Variants in DNAJC10 observed in about 807,000 individuals in gnomAD.
DNAJC10 encodes DnaJ heat shock protein family (Hsp40) member C10, also known as endoplasmic reticulum disulfide reductase DNAJC10.
Under a neutral mutation model 115.0 loss-of-function variants are expected in DNAJC10, and 101 were observed. The ratio of observed to expected loss-of-function variants is 0.88; its 90% CI spans 0.75 to 1.04. DNAJC10 has a LOEUF of 1.04. Among genes scored for constraint, DNAJC10 ranks in the 50% least tolerant of loss-of-function variants. The pLI is 0.00. For synonymous variants in DNAJC10, 307 were observed against 301.5 expected (o/e 1.02, Z -0.19); for missense variants, 981 against 928.8 (o/e 1.06, Z -0.73).
intron 16 of DNAJC10, among the ~76,000 whole-genome samples, 161 bp downstream of exon 16, chr2:182,752,349 A>G (rs1355661733): frequency 6.6e-6 from 1 of 152,216 alleles, no homozygotes; most frequent in Non-Finnish European, 1.5e-5. Flanking sequence ...AAGTGGTATC[A>G]AATATGATTG....
rs1483949137 is a variant in DNAJC10, at chr2:182,778,233, TATA to T, written c.*1104_*1106del. The T allele has an allele frequency of 3.3e-5, 5 of 152,202 alleles. No individual in the cohort carries two copies. The highest frequency in any genetic ancestry group is 1.9e-4 in the East Asian group (1 of 5,204). The allele number at this position is 152,202 out of a possible 1,614,324, so 9.4% of individuals were successfully genotyped here. ...CTTTACAGGTTGTTTTACTGTAGCT[TATA>T]ATGATACTGTAGTTATTCCAGTTAC... On this transcript the variant is annotated 3_prime_UTR_variant, in exon 24 of 24. Coordinates refer to ENST00000264065, the MANE Select transcript of DNAJC10 (RefSeq NM_018981.4).
intron 14 of DNAJC10, among the ~76,000 whole-genome samples, chr2:182,745,713 G>GTT: frequency 6.7e-6 from 1 of 148,156 alleles, no homozygotes; most frequent in African/African-American, 2.5e-5. Flanking sequence ...TTATGGACAA[G>GTT]TTTTTTTTTT....
chr2:182,725,197 C>G (rs951005930), intron 5 of DNAJC10, among the ~76,000 whole-genome samples: 28 of 152,110 alleles, frequency 1.8e-4, no homozygotes, highest in African/African-American at 6.5e-4. Context: ...TGTGTCTATT[C>G]TGACTGCTCC....
In DNAJC10 at chr2:182,751,904, C is replaced by T. The variant is rs937887558; in HGVS notation, c.1434+119C>T. 9.8e-6 allele frequency: 13 copies of T among 1,322,766 alleles called. No individual in the cohort carries two copies. In the African/African-American group the frequency reaches 1.9e-4, roughly 19 times the overall value. 81.9% of individuals were successfully genotyped at this position (1,322,766 alleles called of 1,614,324 possible). ...CAAAAACTGTGTCATTCCATTATGG[C>T]CACTAATGCATATTGCTTTTAAATG... is the stretch of plus-strand genomic sequence containing the variant. On this transcript the variant is annotated intron_variant, in intron 15 of 23. Coordinates refer to ENST00000264065, the MANE Select transcript of DNAJC10 (RefSeq NM_018981.4).
At chr2:182,769,168 T>A (rs528451092) in intron 22 of DNAJC10, among the ~76,000 whole-genome samples, 2 of 152,214 alleles carry the variant, frequency 1.3e-5, no homozygotes, top group African/African-American at 4.8e-5. Flanking sequence ...TCCTTTTTTA[T>A]GGCTGCATAG....
chr2:182,722,936 C>CA (rs1369065017), intron 5 of DNAJC10, among the ~76,000 whole-genome samples: 2 of 150,792 alleles, frequency 1.3e-5, no homozygotes, highest in African/African-American at 2.4e-5. Context: ...GTACCAGTCG[C>CA]AAAAAATACA....
rs753827278 is a variant in DNAJC10 at position 182,728,984 on chromosome 2, G to A, written c.623G>A (p.Arg208Gln). 26 of 1,613,720 alleles carry A rather than the reference G, an allele frequency of 1.6e-5. No individual in the cohort carries two copies. Among genetic ancestry groups the A allele is most frequent in the Middle Eastern group, 1.6e-4 (1 of 6,080 alleles). The change falls in exon 7 of 24, where the codon CGG becomes CAG. Residue 208 changes from arginine (R) to glutamine (Q), a missense_variant. Arg to Gln is a conservative substitution (Grantham distance 43, BLOSUM62 1). Coordinates refer to ENST00000264065, the MANE Select transcript of DNAJC10 (RefSeq NM_018981.4). ...AGCTATCCCAGCCTCTTCATTTTTC[G>A]GTCTGGAATGGTAAGGGATAAAGTT... The part of the protein sequence containing the change: ...VNSYPSLFIF[R>Q]SGMAPVKYHG...
At chr2:182,763,876 T>TA (rs1157221037) in intron 22 of DNAJC10, among the ~76,000 whole-genome samples, 2 of 151,806 alleles carry the variant, frequency 1.3e-5, no homozygotes, top group African/African-American at 2.4e-5. Flanking sequence ...AGCAAACAGA[T>TA]AAAAAAAAGA....
At chr2:182,770,242 G>A (rs1443497134) in intron 22 of DNAJC10, among the ~76,000 whole-genome samples, 1 of 152,168 alleles carries the variant, frequency 6.6e-6, no homozygotes, top group Non-Finnish European at 1.5e-5. Context: ...TTGAAGAAAG[G>A]TACTGTGATG....
rs746460826 is a variant in DNAJC10 at position 182,790,275 on chromosome 2, T to A, written c.*13143T>A. ...GCAGAAGAAATTTATTTTATACTTA[T>A]AAACTTCAAGATTTGCTGAAGTACT... On this transcript the variant is annotated 3_prime_UTR_variant, in exon 24 of 24. Transcript: ENST00000264065. 6 of 152,234 alleles carry A rather than the reference T, an allele frequency of 3.9e-5. No homozygotes were observed. The highest frequency in any genetic ancestry group is 8.8e-5 in the Non-Finnish European group (6 of 68,042). The allele number at this position is 152,234 out of a possible 1,614,324, so 9.4% of individuals were successfully genotyped here.
At chr2:182,743,549 A>C in intron 13 of DNAJC10, 49 bp from the exon 14 acceptor site, 1 of 1,348,974 alleles carries the variant, frequency 7.4e-7, no homozygotes, top group South Asian at 1.2e-5. Flanking sequence ...TTTACAAATC[A>C]AATGGGTAAG....
intron 22 of DNAJC10, among the ~76,000 whole-genome samples, chr2:182,771,493 C>A (rs1311604617): frequency 6.6e-6 from 1 of 152,120 alleles, no homozygotes; most frequent in East Asian, 1.9e-4. Flanking sequence ...TAATTATTGC[C>A]TCAATTTCAG....
At chr2:182,733,823 A>AGATAGATAGATT (rs1693515200) in intron 10 of DNAJC10, among the ~76,000 whole-genome samples, 1 of 149,850 alleles carries the variant, frequency 6.7e-6, no homozygotes. Flanking sequence ...ATAGATAGAT[A>AGATAGATAGATT]GATAGATTTT....
intron 4 of DNAJC10, among the ~76,000 whole-genome samples, chr2:182,720,384 T>G (rs1345631746): frequency 6.6e-6 from 1 of 152,190 alleles, no homozygotes; most frequent in African/African-American, 2.4e-5. Flanking sequence ...TGTTAAATAC[T>G]TTTAAAATAA....
rs1490386950 is a variant in DNAJC10 at position 182,791,883 on chromosome 2, T to C, written c.*14751T>C. 1 of 152,224 alleles carries C rather than the reference T, an allele frequency of 6.6e-6. No individual in the cohort carries two copies. Among genetic ancestry groups the C allele is most frequent in the African/African-American group, 2.4e-5 (1 of 41,474 alleles). The allele number at this position is 152,224 out of a possible 1,614,324, so 9.4% of individuals were successfully genotyped here. ...TTGCATCTTACATTTCAACAATGGA[T>C]GTTTAAAGCGTTTAAAAGTTATGTT... On this transcript the variant is annotated 3_prime_UTR_variant, in exon 24 of 24. Transcript: ENST00000264065.
At chr2:182,728,461 A>G (rs935934754) in intron 5 of DNAJC10, 115 bp from the exon 6 acceptor site, 5 of 610,202 alleles carry the variant, frequency 8.2e-6, no homozygotes, top group African/African-American at 5.7e-5. Context: ...GAGAAAGACA[A>G]TATGAAAATT....
rs769542885 is a variant in DNAJC10, at chr2:182,718,138, A to C, written c.52A>C (p.Ile18Leu). 1.3e-4 allele frequency: 202 copies of C among 1,613,056 alleles called. No individual in the cohort carries two copies. Among genetic ancestry groups the C allele is most frequent in the Non-Finnish European group, 1.5e-4 (181 of 1,179,666 alleles). The change falls in exon 3 of 24, where the codon ATT (isoleucine) becomes CTT (leucine). Residue 18 changes from isoleucine to leucine, a missense_variant. Coordinates refer to ENST00000264065, the MANE Select transcript of DNAJC10 (RefSeq NM_018981.4). ...CTATATCAGAGACTTGAAAAGGATC[A>C]TTCTCTGTTTTCTGATAGTGTATAT... ...DDYIRDLKRIILCFLIVYMAI... is the reference protein window; with the variant it reads ...DDYIRDLKRILLCFLIVYMAI...
intron 11 of DNAJC10, among the ~76,000 whole-genome samples, chr2:182,738,754 A>G (rs990876770): frequency 6.6e-6 from 1 of 152,024 alleles, no homozygotes; most frequent in Non-Finnish European, 1.5e-5. Context: ...GTTAGCCAGG[A>G]TGGTCTCGAT....
chr2:182,729,203 C>T (rs937008160), intron 7 of DNAJC10: 13 of 480,388 alleles, frequency 2.7e-5, no homozygotes, highest in Non-Finnish European at 4.4e-5. Context: ...GGCTGGAGTG[C>T]AAGGGTGCAG....
Sources: allele counts gnomAD v4.1 joint callset (sites outside exome capture counted in the v4.1 genomes callset), GRCh38; gene constraint gnomAD v4.1.1; transcripts MANE v1.5; gene names NCBI Gene and HGNC (gene_info 2026-07-23, HGNC 2026-07-21).